NEK7: variants seen among roughly 807,000 people sequenced by gnomAD.
NEK7 encodes the protein serine/threonine-protein kinase Nek7.
NEK7 carries 18 observed loss-of-function variants against 44.6 expected under a neutral mutation model. That is an observed-to-expected ratio of 0.40 (90% CI 0.28 to 0.60). The LOEUF is 0.60. Ranked by LOEUF, NEK7 falls within the 20% of genes least tolerant of loss-of-function variation. The pLI is 0.38. For missense variants in NEK7, 256 were observed against 366.5 expected (o/e 0.70, Z 2.46); for synonymous variants, 130 against 121.1 (o/e 1.07, Z -0.48).
At chr1:198,282,543 G>C (rs1366374998) in intron 7 of NEK7, among the ~76,000 whole-genome samples, 1 of 152,100 alleles carries the variant, frequency 6.6e-6, no homozygotes, top group Non-Finnish European at 1.5e-5. Context: ...CTAAAACCCA[G>C]TGTCTGGATT....
At chr1:198,168,238 T>A (rs1029199979) in intron 1 of NEK7, among the ~76,000 whole-genome samples, 1 of 152,108 alleles carries the variant, frequency 6.6e-6, no homozygotes, top group Non-Finnish European at 1.5e-5. Flanking sequence ...AGTTTAAGAG[T>A]TGAGTGCCTG....
At chr1:198,308,659 T>C (rs1655084895) in intron 9 of NEK7, among the ~76,000 whole-genome samples, 2 of 152,252 alleles carry the variant, frequency 1.3e-5, no homozygotes, top group South Asian at 2.1e-4. Context: ...CCTTAAATAC[T>C]GATTTCCCAT....
intron 5 of NEK7, 94 bp downstream of exon 5, chr1:198,264,329 C>T (rs1653578918): frequency 2.4e-6 from 2 of 836,264 alleles, no homozygotes; most frequent in South Asian, 1.6e-5. Flanking sequence ...ATATTTTAAA[C>T]TAAAGACCTC....
chr1:198,296,465 C>T (rs1044153951), intron 8 of NEK7, among the ~76,000 whole-genome samples: 3 of 152,110 alleles, frequency 2.0e-5, no homozygotes, highest in East Asian at 1.9e-4. Flanking sequence ...TCCTTTGGGT[C>T]GTGTTTTTCT....
intron 1 of NEK7, among the ~76,000 whole-genome samples, chr1:198,171,678 GA>G (rs574229281): frequency 9.0e-4 from 127 of 141,320 alleles, no homozygotes; most frequent in East Asian, 1.0e-3. Flanking sequence ...GACTCCGTCT[GA>G]AAAAAAAAAA....
chr1:198,197,430 A>T (rs1665274313), intron 1 of NEK7, among the ~76,000 whole-genome samples: 1 of 152,162 alleles, frequency 6.6e-6, no homozygotes, highest in Admixed American at 6.5e-5. Context: ...TTTTTAAGAA[A>T]TTTTTTATCG....
chr1:198,272,850 G>T (rs1251069574), intron 5 of NEK7, among the ~76,000 whole-genome samples: 1 of 151,672 alleles, frequency 6.6e-6, no homozygotes, highest in Non-Finnish European at 1.5e-5. Flanking sequence ...TGATATTGAT[G>T]TACCAGTTTT....
intron 1 of NEK7, among the ~76,000 whole-genome samples, chr1:198,176,857 A>G (rs949918041): frequency 1.3e-5 from 2 of 152,126 alleles, no homozygotes; most frequent in African/African-American, 4.8e-5. Context: ...AAGAAAGGAA[A>G]TACAGAGTAG....
intron 1 of NEK7, among the ~76,000 whole-genome samples, chr1:198,225,287 C>T (rs942651554): frequency 6.7e-6 from 1 of 149,948 alleles, no homozygotes; most frequent in Non-Finnish European, 1.5e-5. Context: ...TCTTGGAGCA[C>T]TCCAGCATAT....
intron 2 of NEK7, among the ~76,000 whole-genome samples, chr1:198,243,401 C>G (rs1454249468): frequency 2.0e-5 from 3 of 152,166 alleles, no homozygotes; most frequent in Non-Finnish European, 4.4e-5. Context: ...GCTTTTTACT[C>G]TGTCTCTGTC....
At chr1:198,314,682 G>C (rs183602047) in intron 9 of NEK7, among the ~76,000 whole-genome samples, 1 of 152,124 alleles carries the variant, frequency 6.6e-6, no homozygotes, top group Admixed American at 6.5e-5. Context: ...GTCTGTTTGA[G>C]TACCCGGCCG....
intron 1 of NEK7, among the ~76,000 whole-genome samples, chr1:198,162,035 G>C (rs1326334912): frequency 1.3e-5 from 2 of 152,062 alleles, no homozygotes; most frequent in Admixed American, 1.3e-4. Flanking sequence ...AAAAATATTG[G>C]AAAGAGCCTG....
intron 1 of NEK7, among the ~76,000 whole-genome samples, chr1:198,176,511 T>G (rs1397081588): frequency 6.6e-6 from 1 of 151,492 alleles, no homozygotes; most frequent in East Asian, 1.9e-4. Flanking sequence ...AAGTAAGGAG[T>G]GAGGTTGAGG....
At chr1:198,226,203 G>C (rs552974342) in intron 1 of NEK7, among the ~76,000 whole-genome samples, 49 of 152,102 alleles carry the variant, frequency 3.2e-4, no homozygotes, top group African/African-American at 1.2e-3. Context: ...GATAAGTAAT[G>C]GTGTTAAATC....
At chr1:198,281,264 A>G (rs1013241736) in intron 7 of NEK7, among the ~76,000 whole-genome samples, 5 of 152,102 alleles carry the variant, frequency 3.3e-5, no homozygotes, top group Admixed American at 1.3e-4. Flanking sequence ...CTATGTTGTC[A>G]TATATTTTTA....
intron 2 of NEK7, among the ~76,000 whole-genome samples, chr1:198,234,584 C>T (rs1016819811): frequency 1.3e-5 from 2 of 152,198 alleles, no homozygotes; most frequent in Non-Finnish European, 2.9e-5. Context: ...CCTACTGACT[C>T]ACCAACCAGG....
At chr1:198,275,350 C>T (rs1488450259) in intron 5 of NEK7, among the ~76,000 whole-genome samples, 5 of 151,164 alleles carry the variant, frequency 3.3e-5, no homozygotes, top group Admixed American at 2.6e-4. Flanking sequence ...ATTGTAAAAG[C>T]GCCCTGTCAC....
chr1:198,186,457 G>A (rs894751722), intron 1 of NEK7, among the ~76,000 whole-genome samples: 7 of 152,184 alleles, frequency 4.6e-5, no homozygotes, highest in African/African-American at 1.7e-4. Context: ...AGGCTGGCAA[G>A]GAATGCTGAG....
intron 9 of NEK7, among the ~76,000 whole-genome samples, chr1:198,311,530 A>T (rs1209340680): frequency 2.6e-5 from 4 of 151,370 alleles, no homozygotes; most frequent in Admixed American, 1.3e-4. Flanking sequence ...TTCAAAGGGA[A>T]TGCTTCCAGT....
Sources: allele counts gnomAD v4.1 joint callset (sites outside exome capture counted in the v4.1 genomes callset), GRCh38; gene constraint gnomAD v4.1.1; transcripts MANE v1.5; gene names NCBI Gene and HGNC (gene_info 2026-07-23, HGNC 2026-07-21).